Variants in ODAD4 observed in about 807,000 individuals in gnomAD.
The protein encoded by ODAD4 is outer dynein arm-docking complex subunit 4.
ODAD4 carries 49 observed loss-of-function variants against 51.8 expected under a neutral mutation model. The observed-to-expected ratio is 0.95, with a 90% CI of 0.75 to 1.20. The LOEUF (loss-of-function observed/expected upper bound fraction) is 1.20. Ranked by LOEUF, ODAD4 falls within the 50% of genes most tolerant of loss-of-function variation. The pLI is 0.00. For synonymous variants in ODAD4, 235 were observed against 221.3 expected (o/e 1.06, Z -0.55); for missense variants, 590 against 586.5 (o/e 1.01, Z -0.06).
intron 1 of ODAD4, among the ~76,000 whole-genome samples, chr17:41,934,038 CTTTTTTT>C (rs782039270): frequency 1.5e-5 from 1 of 65,496 alleles, no homozygotes; most frequent in Non-Finnish European, 2.6e-5. Context: ...TTCTTTCTTT[CTTTTTTT>C]TTTTTTTTTT....
At chr17:41,952,773 C>A in intron 9 of ODAD4, 1 of 433,778 alleles carries the variant, frequency 2.3e-6, no homozygotes, top group East Asian at 6.3e-5. Context: ...CTTTATCACC[C>A]AGACTTTAGT....
chr17:41,943,357 T>A (rs1475757906), intron 7 of ODAD4, among the ~76,000 whole-genome samples: 1 of 152,144 alleles, frequency 6.6e-6, no homozygotes, highest in Non-Finnish European at 1.5e-5. Context: ...CACGTGTCCA[T>A]GTGAAGAGAC....
At chr17:41,936,740 G>T (rs782159229) in intron 4 of ODAD4, 22 bp from the exon 5 acceptor site, 2 of 1,613,172 alleles carry the variant, frequency 1.2e-6, no homozygotes, top group East Asian at 2.2e-5. Flanking sequence ...AAGCTCTGTT[G>T]GGTGTTGCTC....
chr17:41,951,195 C>T (rs971733215), intron 9 of ODAD4, among the ~76,000 whole-genome samples: 1 of 150,542 alleles, frequency 6.6e-6, no homozygotes, highest in Admixed American at 6.6e-5. Context: ...AGCTATTCTC[C>T]TGCCTCAGTC....
chr17:41,944,444 A>ACACACCC lies in ODAD4; in HGVS notation c.1059-691_1059-690insACACCCC, dbSNP rs1191101800. Among the ~76,000 whole-genome samples the ACACACCC allele has an allele frequency of 4.4e-3, 86 of 19,502 alleles. 3 individuals are homozygous for ACACACCC. The highest frequency in any genetic ancestry group is 9.8e-3 in the East Asian group (3 of 306). 12.8% of individuals were successfully genotyped at this position (19,502 alleles called of 152,430 possible). Reference sequence around the variant, plus strand: ...CACACACACACACACACACACACACACCCCCCCGCATACACAGAAATTGCC... The same window carrying ACACACCC: ...CACACACACACACACACACACACACACACACCCCCCCCCCGCATACACAGAAATTGCC... On this transcript the variant is annotated intron_variant, in intron 7 of 11. Transcript: ENST00000377540.
chr17:41,939,045 G>A lies in ODAD4; in HGVS notation c.931G>A (p.Glu311Lys). ...LKKVLEWNKE[E>K]VPNKDELVGN... The stretch of plus-strand genomic sequence containing the variant: ...GAAGGTACTGGAATGGAACAAGGAA[G>A]AGGTACCCAACAAGGATGAACTGGT... The change falls in exon 7 of 12, where the codon GAG (glutamate) becomes AAG (lysine). Residue 311 changes from glutamate (E) to lysine (K), a missense_variant. By Grantham distance (56) the Glu-to-Lys change is moderately conservative. This residue lies in a region of ODAD4 where 360 missense variants were observed against 407.5 expected (regional missense o/e 0.88). Coordinates refer to ENST00000377540, the MANE Select transcript of ODAD4 (RefSeq NM_031421.5). The A allele has an allele frequency of 6.2e-7, 1 of 1,613,822 alleles. No individual in the cohort carries two copies. The highest frequency in any genetic ancestry group is 8.5e-7 in the Non-Finnish European group (1 of 1,179,812).
At chr17:41,944,653 T>C (rs2050562181) in intron 7 of ODAD4, among the ~76,000 whole-genome samples, 1 of 151,740 alleles carries the variant, frequency 6.6e-6, no homozygotes, top group Admixed American at 6.6e-5. Flanking sequence ...TAGCTGGGTG[T>C]GGTGGCGGGC....
chr17:41,951,325 T>C (rs2050648595), intron 9 of ODAD4, among the ~76,000 whole-genome samples: 1 of 151,886 alleles, frequency 6.6e-6, no homozygotes, highest in African/African-American at 2.4e-5. Context: ...CCTCGTGATC[T>C]GCCTGCTTCA....
intron 10 of ODAD4, among the ~76,000 whole-genome samples, chr17:41,960,833 G>C (rs2050796386): frequency 6.6e-6 from 1 of 152,186 alleles, no homozygotes; most frequent in South Asian, 2.1e-4. Context: ...TGTTCTGTCA[G>C]TGCCAGCCAC....
At chr17:41,949,822 G>A (rs1163777879) in intron 9 of ODAD4, among the ~76,000 whole-genome samples, 3 of 151,352 alleles carry the variant, frequency 2.0e-5, no homozygotes, top group East Asian at 2.0e-4. Flanking sequence ...ACAGGCGTCT[G>A]CCACCACACC....
chr17:41,941,178 G>A (rs1162268359), intron 7 of ODAD4, among the ~76,000 whole-genome samples: 1 of 152,158 alleles, frequency 6.6e-6, no homozygotes, highest in African/African-American at 2.4e-5. Context: ...CTTACTTCTT[G>A]CCTGTTTCCT....
intron 1 of ODAD4, among the ~76,000 whole-genome samples, chr17:41,932,006 A>G (rs541598213): frequency 3.9e-4 from 59 of 151,354 alleles, no homozygotes; most frequent in African/African-American, 1.4e-3. Flanking sequence ...GCTCACTGCA[A>G]CCTCCACCTC....
rs372865616 is a variant in ODAD4, at chr17:41,939,217, G to A, written c.1058+45G>A. 44 of 1,552,572 alleles carry A rather than the reference G, an allele frequency of 2.8e-5. No individual in the cohort carries two copies. The East Asian group carries it at 3.2e-4, about 11-fold the overall frequency. On this transcript the variant is annotated intron_variant, in intron 7 of 11. Transcript: ENST00000377540. Reference sequence around the variant, plus strand: ...CCACTGGCGTGAGCCTACGGAGAAGGACACCTGGGGCTATCTGAGGCCCTT... The same window carrying A: ...CCACTGGCGTGAGCCTACGGAGAAGAACACCTGGGGCTATCTGAGGCCCTT...
intron 10 of ODAD4, among the ~76,000 whole-genome samples, chr17:41,955,703 C>T (rs1015551673): frequency 2.6e-5 from 4 of 152,092 alleles, no homozygotes; most frequent in African/African-American, 4.8e-5. Flanking sequence ...GGATTACAGG[C>T]GTGAGCCACT....
In ODAD4 at chr17:41,966,018, T is replaced by C. The variant is rs754025064; in HGVS notation, c.*535T>C. Among the ~76,000 whole-genome samples the C allele has an allele frequency of 5.3e-5, 8 of 152,218 alleles. No homozygotes were observed. The highest frequency in any genetic ancestry group is 1.0e-4 in the Non-Finnish European group (7 of 68,024). On this transcript the variant is annotated 3_prime_UTR_variant, in exon 12 of 12. Coordinates refer to ENST00000377540, the MANE Select transcript of ODAD4 (RefSeq NM_031421.5). ...CGGGAGGGCAGACAGACTCCGCCTC[T>C]GACACCTCTGGGTGGCATAATCAGG...
intron 11 of ODAD4, among the ~76,000 whole-genome samples, chr17:41,962,590 G>C (rs1340875089): frequency 6.6e-6 from 1 of 152,228 alleles, no homozygotes; most frequent in East Asian, 1.9e-4. Flanking sequence ...ATCTGTATCT[G>C]TTCAGGAACA....
chr17:41,945,389 G>T (rs2050572124), intron 8 of ODAD4, 167 bp downstream of exon 8: 1 of 607,836 alleles, frequency 1.6e-6, no homozygotes, highest in South Asian at 2.1e-5. Flanking sequence ...TCCTGTGCCT[G>T]TGGTCCCAGC....
Position 41,965,064 on chromosome 17 carries a change from A to G in ODAD4, c.1600A>G (p.Lys534Glu), listed in dbSNP as rs534730009. 2 of 757,406 alleles carry G rather than the reference A, an allele frequency of 2.6e-6. No individual in the cohort carries two copies. The highest frequency in any genetic ancestry group is 1.4e-5 in the South Asian group (1 of 70,626). 46.9% of individuals were successfully genotyped at this position (757,406 alleles called of 1,614,324 possible). A position where few individuals can be genotyped will look rare whatever the true frequency, so the allele number is the denominator to read the frequency against. ...DMRRVRDEPE[K>E]VVKQWDHSED... ...GAGGAGAGTGAGAGATGAGCCCGAG[A>G]AGGTGGTGAAGCAGTGGGACCATAG... Residue 534 changes from lysine (K) to glutamate (E), a missense_variant, in exon 12 of 12, where the codon AAG becomes GAG. Physicochemically the swap from Lys to Glu is moderately conservative, Grantham distance 56 (BLOSUM62 1). Around this residue, in one of 3 missense-constraint regions of ODAD4, gnomAD observed 226 missense variants for 162.7 expected, o/e 1.39. Transcript: ENST00000377540.
intron 8 of ODAD4, 180 bp downstream of exon 8, chr17:41,945,402 C>CT: frequency 1.7e-6 from 1 of 599,266 alleles, no homozygotes; most frequent in African/African-American, 1.9e-5. Flanking sequence ...GTCCCAGCTA[C>CT]TTGGGAGGCT....
Sources: allele counts gnomAD v4.1 joint callset (sites outside exome capture counted in the v4.1 genomes callset), GRCh38; gene constraint gnomAD v4.1.1; regional missense constraint gnomAD v4.1.1; transcripts MANE v1.5; gene names NCBI Gene and HGNC (gene_info 2026-07-23, HGNC 2026-07-21).